NEK11: variants seen among roughly 807,000 people sequenced by gnomAD.
NEK11 encodes serine/threonine-protein kinase Nek11.
A neutral mutation model predicts 80.7 loss-of-function variants in NEK11; 72 were observed. That is an observed-to-expected ratio of 0.89 (90% CI 0.74 to 1.08). NEK11 has a LOEUF of 1.08. Ranked by LOEUF, NEK11 falls within the 50% of genes least tolerant of loss-of-function variation. The pLI is 0.00. For synonymous variants in NEK11, 251 were observed against 260.7 expected, an observed-to-expected ratio of 0.96 and a Z score of 0.36; for missense variants, 764 against 763.6, an observed-to-expected ratio of 1.00 and a Z score of -0.01.
At chr3:131,031,399 A>G (rs1243178237) in intron 3 of NEK11, among the ~76,000 whole-genome samples, 4 of 152,202 alleles carry the variant, frequency 2.6e-5, no homozygotes, top group Non-Finnish European at 5.9e-5. Flanking sequence ...GATAACCTTT[A>G]TGGAAACATT....
intron 14 of NEK11, among the ~76,000 whole-genome samples, chr3:131,190,068 C>G (rs1250168238): frequency 6.6e-6 from 1 of 152,096 alleles, no homozygotes; most frequent in African/African-American, 2.4e-5. Flanking sequence ...ATGTATAGAT[C>G]CATAAATATT....
At chr3:131,106,879 G>A (rs1304264017) in intron 4 of NEK11, among the ~76,000 whole-genome samples, 2 of 152,044 alleles carry the variant, frequency 1.3e-5, no homozygotes, top group South Asian at 2.1e-4. Flanking sequence ...CAGGTGCCAA[G>A]TACAATAACA....
At chr3:131,072,560 A>C (rs780428892) in intron 3 of NEK11, among the ~76,000 whole-genome samples, 1 of 152,222 alleles carries the variant, frequency 6.6e-6, no homozygotes, top group Non-Finnish European at 1.5e-5. Flanking sequence ...TAAGAAAAAT[A>C]GAATTGCTTG....
intron 3 of NEK11, among the ~76,000 whole-genome samples, chr3:131,073,343 CA>C (rs1219677767): frequency 6.6e-6 from 1 of 152,134 alleles, no homozygotes; most frequent in Non-Finnish European, 1.5e-5. Context: ...AGGCAATTTG[CA>C]ATGATTTGTT....
chr3:131,113,607 T>C (rs1268358303), intron 5 of NEK11, among the ~76,000 whole-genome samples: 2 of 151,956 alleles, frequency 1.3e-5, no homozygotes, highest in Non-Finnish European at 2.9e-5. Flanking sequence ...TTTCCTGAAT[T>C]TTTGGGGAAA....
intron 15 of NEK11, among the ~76,000 whole-genome samples, chr3:131,238,658 C>G (rs529218930): frequency 6.6e-6 from 1 of 152,050 alleles, no homozygotes; most frequent in African/African-American, 2.4e-5. Flanking sequence ...CTTGATGGGA[C>G]AAAAGGGAAC....
At chr3:131,110,046 C>T (rs1161959290) in intron 5 of NEK11, 125 bp downstream of exon 5, 1 of 912,602 alleles carries the variant, frequency 1.1e-6, no homozygotes, top group Non-Finnish European at 1.6e-6. Flanking sequence ...TAAAATTAAA[C>T]ATCTATAATA....
At chr3:131,174,240 G>A (rs1268245890) in intron 14 of NEK11, among the ~76,000 whole-genome samples, 1 of 152,148 alleles carries the variant, frequency 6.6e-6, no homozygotes, top group East Asian at 1.9e-4. Flanking sequence ...AGAATGGTGG[G>A]CAACTACCAG....
chr3:131,333,811 T>G (rs549526545), intron 17 of NEK11, among the ~76,000 whole-genome samples: 4 of 152,280 alleles, frequency 2.6e-5, no homozygotes, highest in Non-Finnish European at 1.5e-5. Flanking sequence ...AGGCAGGGGT[T>G]GCAATCCTAG....
At chr3:131,153,046 C>T (rs1277878474) in intron 9 of NEK11, among the ~76,000 whole-genome samples, 3 of 152,012 alleles carry the variant, frequency 2.0e-5, no homozygotes, top group Non-Finnish European at 4.4e-5. Flanking sequence ...GAGATTGCGC[C>T]GCTGCACTCC....
At position 131,185,344 on chromosome 3, in the gene NEK11, G is replaced by A. The variant is rs375920215; in HGVS notation, c.1399+14457G>A. The stretch of plus-strand genomic sequence containing the variant: ...AGGCAGAGAACCTTCAGACTATGAT[G>A]CAGGTCTGACACCTGTGAAAGGCAA... On this transcript the variant is annotated intron_variant, in intron 14 of 17. Transcript: ENST00000383366. Among the ~76,000 whole-genome samples the A allele has an allele frequency of 1.4e-4, 21 of 152,078 alleles. No individual in the cohort carries two copies. In the South Asian group the frequency reaches 3.9e-3, roughly 28 times the overall value.
intron 15 of NEK11, among the ~76,000 whole-genome samples, chr3:131,241,068 TATCTC>T (rs1354951856): frequency 6.6e-6 from 1 of 152,190 alleles, no homozygotes; most frequent in African/African-American, 2.4e-5. Context: ...GGATCTGTCA[TATCTC>T]TTCTTGACAG....
chr3:131,030,005 CA>C lies in NEK11; in HGVS notation c.170+129del, dbSNP rs558362564. 1.0e-4 allele frequency: 85 copies of C among 817,976 alleles called. No individual in the cohort carries two copies. The East Asian group carries it at 1.3e-3, about 13-fold the overall frequency. 50.7% of individuals were successfully genotyped at this position (817,976 alleles called of 1,614,324 possible). ...CTGTAATCCCAGCACTGTGGGTGGC[CA>C]AGGTTGGCAGATCACTTGAGGCGAG... On this transcript the variant is annotated intron_variant, in intron 3 of 17. Coordinates refer to ENST00000383366, the MANE Select transcript of NEK11 (RefSeq NM_024800.5).
chr3:131,125,405 TTAA>T (rs2083140173), intron 5 of NEK11, among the ~76,000 whole-genome samples: 1 of 152,226 alleles, frequency 6.6e-6, no homozygotes, highest in African/African-American at 2.4e-5. Flanking sequence ...CTGGTTTTAA[TTAA>T]TAATAGTAAT....
chr3:131,058,785 T>A (rs568147936), intron 3 of NEK11, among the ~76,000 whole-genome samples: 2 of 152,214 alleles, frequency 1.3e-5, no homozygotes, highest in Admixed American at 1.3e-4. Context: ...ACCTATTAGC[T>A]CTCCCATCCT....
intron 14 of NEK11, among the ~76,000 whole-genome samples, chr3:131,189,134 G>C (rs945452092): frequency 1.3e-5 from 2 of 152,076 alleles, no homozygotes; most frequent in Non-Finnish European, 2.9e-5. Context: ...AGGAGGGGAG[G>C]CCTGGAACAG....
chr3:131,144,576 G>C (rs369908274), intron 7 of NEK11, among the ~76,000 whole-genome samples: 1 of 152,120 alleles, frequency 6.6e-6, no homozygotes, highest in Non-Finnish European at 1.5e-5. Flanking sequence ...GTTACCTACC[G>C]TATGTATTTA....
At chr3:131,140,538 A>G (rs1326142620) in intron 7 of NEK11, among the ~76,000 whole-genome samples, 2 of 152,168 alleles carry the variant, frequency 1.3e-5, no homozygotes, top group Non-Finnish European at 2.9e-5. Context: ...GTTTTAAGGT[A>G]CTAAGGTTTG....
At chr3:131,187,346 C>T (rs2093639441) in intron 14 of NEK11, among the ~76,000 whole-genome samples, 1 of 152,116 alleles carries the variant, frequency 6.6e-6, no homozygotes, top group Non-Finnish European at 1.5e-5. Context: ...ATCTAAGTAT[C>T]TAAATTTTTA....
Sources: allele counts gnomAD v4.1 joint callset (sites outside exome capture counted in the v4.1 genomes callset), GRCh38; gene constraint gnomAD v4.1.1; transcripts MANE v1.5; gene names NCBI Gene and HGNC (gene_info 2026-07-23, HGNC 2026-07-21).